The following COL28A1 variants were observed in gnomAD, a reference collection of about 807,000 sequenced individuals.
COL28A1 encodes the protein collagen alpha-1(XXVIII) chain.
Under a neutral mutation model 150.2 loss-of-function variants are expected in COL28A1, and 161 were observed. That is an observed-to-expected ratio of 1.07 (90% CI 0.94 to 1.22). COL28A1 has a LOEUF of 1.22. Among genes scored for constraint, COL28A1 ranks in the 50% most tolerant of loss-of-function variants. COL28A1 has a pLI of 0.00. For missense variants in COL28A1, 1,617 were observed against 1,388.3 expected (o/e 1.16, Z -2.62); for synonymous variants, 552 against 469.7 (o/e 1.18, Z -2.26).
At chr7:7,405,196 TA>T (rs752630001) in intron 27 of COL28A1, among the ~76,000 whole-genome samples, 4 of 152,236 alleles carry the variant, frequency 2.6e-5, no homozygotes, top group Non-Finnish European at 1.5e-5. Context: ...CCTTTATATG[TA>T]AAACAAAAGC....
rs777783913 is a variant in COL28A1 at position 7,373,163 on chromosome 7, G to C, written c.2743C>G (p.Leu915Val). 1.2e-6 allele frequency: 2 copies of C among 1,614,180 alleles called. No homozygotes were observed. Among genetic ancestry groups the C allele is most frequent in the Non-Finnish European group, 1.7e-6 (2 of 1,180,032 alleles). ...GQTDSRDKEK[L>V]TEVVKNASDT... The stretch of plus-strand genomic sequence containing the variant: ...CTGGCATTCTTCACCACCTCTGTCA[G>C]TTTCTCTTTATCACGAGAATCTGTC... Residue 915 changes from leucine (L) to valine (V), a missense_variant, in exon 32 of 35, where the codon CTG becomes GTG. Physicochemically the swap from Leu to Val is conservative, Grantham distance 32 (BLOSUM62 1). Coordinates refer to ENST00000399429, the MANE Select transcript of COL28A1 (RefSeq NM_001037763.3). This position sits in a 1 kb window ranked among gnomAD's most constrained non-coding sequence, Gnocchi z 4.1.
chr7:7,389,086 A>G (rs1294425139), intron 27 of COL28A1, among the ~76,000 whole-genome samples: 1 of 151,986 alleles, frequency 6.6e-6, no homozygotes, highest in Non-Finnish European at 1.5e-5. Context: ...TATGTCCTGA[A>G]TGGTATTGCC....
rs1245589357 is a variant in COL28A1 at position 7,432,666 on chromosome 7, G to A, written c.1895C>T (p.Pro632Leu). 8.1e-6 allele frequency: 13 copies of A among 1,613,928 alleles called. No homozygotes were observed. Among genetic ancestry groups the A allele is most frequent in the Non-Finnish European group, 1.1e-5 (13 of 1,179,976 alleles). The stretch of plus-strand genomic sequence containing the variant: ...AGGATAGCCATCACCTTTGAGTCCT[G>A]GAGCACCCACTGGTCCCCGAGGGCC... ...VQGPRGPVGA[P>L]GLKGDGYPGV... Residue 632 changes from proline (P) to leucine (L), a missense_variant, in exon 24 of 35, where the codon CCA becomes CTA. By Grantham distance (98) the Pro-to-Leu change is moderately conservative. Coordinates refer to ENST00000399429, the MANE Select transcript of COL28A1 (RefSeq NM_001037763.3).
intron 3 of COL28A1, among the ~76,000 whole-genome samples, chr7:7,529,094 G>T (rs952175777): frequency 2.0e-5 from 3 of 151,886 alleles, no homozygotes; most frequent in Non-Finnish European, 4.4e-5. Flanking sequence ...CTGAGGTCAG[G>T]AGTTTGAGAA....
chr7:7,536,852 C>A (rs1182253214), upstream of COL28A1, among the ~76,000 whole-genome samples: 1 of 152,186 alleles, frequency 6.6e-6, no homozygotes, highest in African/African-American at 2.4e-5. Flanking sequence ...CACATTACCT[C>A]ATTTAATCCT....
chr7:7,526,953 A>G (rs1782057861), intron 3 of COL28A1, among the ~76,000 whole-genome samples: 1 of 152,192 alleles, frequency 6.6e-6, no homozygotes, highest in Non-Finnish European at 1.5e-5. Flanking sequence ...CAATATCTTA[A>G]TCAATTTTTA....
Position 7,489,369 on chromosome 7 carries a change from C to T in COL28A1, c.1164+20G>A, listed in dbSNP as rs1255129176. ...ACTATATTTGTCCTTTTCATTCCAT[C>T]TAGAATTTTTGCTACTTACTGGCTG... On this transcript the variant is annotated intron_variant, in intron 13 of 34. Transcript: ENST00000399429. The T allele has an allele frequency of 3.9e-6, 4 of 1,037,988 alleles. No individual in the cohort carries two copies. Among genetic ancestry groups the T allele is most frequent in the Non-Finnish European group, 6.1e-6 (4 of 652,966 alleles). 64.3% of individuals were successfully genotyped at this position (1,037,988 alleles called of 1,614,324 possible). A position where few individuals can be genotyped will look rare whatever the true frequency, so the allele number is the denominator to read the frequency against.
In COL28A1 at chr7:7,531,636, G is replaced by A. The variant is rs1203688838; in HGVS notation, c.393C>T (p.Thr131=). 10 of 1,603,972 alleles carry A rather than the reference G, an allele frequency of 6.2e-6. No homozygotes were observed. Among genetic ancestry groups the A allele is most frequent in the East Asian group, 2.2e-5 (1 of 44,832 alleles). Residue 131 remains threonine (T), a synonymous_variant, in exon 3 of 35, where the codon ACC becomes ACT. Coordinates refer to ENST00000399429, the MANE Select transcript of COL28A1 (RefSeq NM_001037763.3). ...VKSMNLIGQG[T]FSYYAISNAT... is the part of the protein sequence containing the mutation. ...CATTGGAAATGGCATAATAAGAGAA[G>A]GTACCTTGCCCTATTAAATTCATAG...
chr7:7,457,116 T>C (rs976775770), intron 15 of COL28A1, among the ~76,000 whole-genome samples: 4 of 151,988 alleles, frequency 2.6e-5, no homozygotes, highest in African/African-American at 7.3e-5. Context: ...TGGAGTCAGG[T>C]AGAAGGATCA....
chr7:7,442,739 A>C (rs1197021864), intron 20 of COL28A1, among the ~76,000 whole-genome samples: 1 of 152,166 alleles, frequency 6.6e-6, no homozygotes, highest in Non-Finnish European at 1.5e-5. Context: ...ATAACTACAC[A>C]TAAAAATAGA....
At chr7:7,423,595 GA>G (rs1473517305) in intron 25 of COL28A1, among the ~76,000 whole-genome samples, 4 of 151,902 alleles carry the variant, frequency 2.6e-5, no homozygotes, top group Non-Finnish European at 5.9e-5. Context: ...GAGAAGGCAA[GA>G]TTTTTTTTTA....
At chr7:7,489,936 A>G (rs917858344) in intron 12 of COL28A1, among the ~76,000 whole-genome samples, 1 of 152,184 alleles carries the variant, frequency 6.6e-6, no homozygotes, top group East Asian at 1.9e-4. Flanking sequence ...TGGAGTCTCA[A>G]TGTGCTCATT....
the COL28A1 span, among the ~76,000 whole-genome samples, chr7:7,343,934 G>C: frequency 2.1e-3 from 312 of 152,000 alleles, 2 homozygotes; most frequent in African/African-American, 7.1e-3. Context: ...CTTGAGCCCT[G>C]GAGTTTGGAG....
chr7:7,375,848 T>C (rs73040619), intron 30 of COL28A1, among the ~76,000 whole-genome samples: 4,396 of 152,286 alleles, frequency 0.029, 101 homozygotes, highest in Non-Finnish European at 0.046. Flanking sequence ...CTGGCAACTT[T>C]AACATACCTA....
At chr7:7,365,646 T>C (rs1780896445) in intron 33 of COL28A1, among the ~76,000 whole-genome samples, 2 of 152,230 alleles carry the variant, frequency 1.3e-5, no homozygotes, top group Non-Finnish European at 2.9e-5. Flanking sequence ...GAATTTTGCA[T>C]ATATTACAAA....
At chr7:7,500,002 G>C (rs1437963388) in intron 11 of COL28A1, among the ~76,000 whole-genome samples, 1 of 152,170 alleles carries the variant, frequency 6.6e-6, no homozygotes, top group Non-Finnish European at 1.5e-5. Flanking sequence ...ACTTTTAGAA[G>C]AAAGTAGAAG....
chr7:7,494,065 G>C (rs191550622), intron 11 of COL28A1, among the ~76,000 whole-genome samples: 1 of 152,152 alleles, frequency 6.6e-6, no homozygotes, highest in Non-Finnish European at 1.5e-5. Flanking sequence ...GTGAGTGTGA[G>C]CGTGTGTGGA....
intron 18 of COL28A1, among the ~76,000 whole-genome samples, chr7:7,452,044 C>T (rs1390429233): frequency 2.6e-5 from 4 of 152,084 alleles, no homozygotes; most frequent in African/African-American, 4.8e-5. Flanking sequence ...TATCATGTCC[C>T]GAAAGCTGGG....
chr7:7,383,288 G>GTGT (rs1554262225), intron 27 of COL28A1, among the ~76,000 whole-genome samples: 4 of 94,628 alleles, frequency 4.2e-5, no homozygotes, highest in East Asian at 3.9e-4. Flanking sequence ...GTGTGTGTGT[G>GTGT]TTTTTTTTGA....
Sources: allele counts gnomAD v4.1 joint callset (sites outside exome capture counted in the v4.1 genomes callset), GRCh38; gene constraint gnomAD v4.1.1; non-coding constraint Gnocchi (gnomAD v3.1); transcripts MANE v1.5; gene names NCBI Gene and HGNC (gene_info 2026-07-23, HGNC 2026-07-21).